KLHL41: variants seen among roughly 807,000 people sequenced by gnomAD.
KLHL41 encodes kelch-like protein 41.
KLHL41 carries 31 observed loss-of-function variants against 49.2 expected under a neutral mutation model. The ratio of observed to expected loss-of-function variants is 0.63; its 90% CI spans 0.47 to 0.85. The LOEUF (loss-of-function observed/expected upper bound fraction) is 0.85. Among genes scored for constraint, KLHL41 ranks in the 40% least tolerant of loss-of-function variants. The probability of loss-of-function intolerance (pLI) is 0.00; values close to 1 mark genes in which losing one functional copy is unlikely to be tolerated. For synonymous variants in KLHL41, 218 were observed against 258.5 expected (o/e 0.84, Z 1.50); for missense variants, 663 against 726.7 (o/e 0.91, Z 1.01).
In KLHL41 at chr2:169,518,259, A is replaced by G. The variant is rs1409597127; in HGVS notation, c.1446A>G (p.Lys482=). 6.2e-7 allele frequency: 1 copy of G among 1,614,056 alleles called. No individual in the cohort carries two copies. The highest frequency in any genetic ancestry group is 8.5e-7 in the Non-Finnish European group (1 of 1,179,946). The change falls in exon 4 of 6, where the codon AAA becomes AAG. Residue 482 remains lysine (K), a synonymous_variant. Coordinates refer to ENST00000284669, the MANE Select transcript of KLHL41 (RefSeq NM_006063.3). ...KGDWKDLAPM[K]IPRSMFGVAV... Reference sequence around the variant, plus strand: ...ATTGGAAAGATCTGGCTCCAATGAAAATTCCTCGTTCCATGTTTGGAGTAG... The same window carrying G: ...ATTGGAAAGATCTGGCTCCAATGAAGATTCCTCGTTCCATGTTTGGAGTAG...
At chr2:169,519,651 C>CTTTTT (rs11384512) in intron 4 of KLHL41, among the ~76,000 whole-genome samples, 3 of 138,480 alleles carry the variant, frequency 2.2e-5, no homozygotes, top group Non-Finnish European at 4.6e-5. Context: ...TTTTCTCAAA[C>CTTTTT]TTTTTTTTTT....
intron 1 of KLHL41, among the ~76,000 whole-genome samples, chr2:169,512,391 T>A (rs1293000850): frequency 6.6e-6 from 1 of 152,172 alleles, no homozygotes; most frequent in Non-Finnish European, 1.5e-5. Flanking sequence ...GGTAGATACC[T>A]ACAAATGACA....
chr2:169,513,117 G>A (rs1191323993), intron 1 of KLHL41, among the ~76,000 whole-genome samples: 2 of 152,148 alleles, frequency 1.3e-5, no homozygotes, highest in Non-Finnish European at 2.9e-5. Flanking sequence ...GGGAAGGTAG[G>A]CAGTACTGTA....
intron 5 of KLHL41, among the ~76,000 whole-genome samples, chr2:169,524,250 A>T (rs1350138583): frequency 6.6e-6 from 1 of 151,662 alleles, no homozygotes; most frequent in Non-Finnish European, 1.5e-5. Flanking sequence ...TAGTAGCAAA[A>T]TATTTTTTGT....
intron 1 of KLHL41, chr2:169,514,169 G>A (rs1684071518): frequency 6.2e-6 from 1 of 161,396 alleles, no homozygotes; most frequent in Admixed American, 6.3e-5. Flanking sequence ...TAGCACGCAG[G>A]GGTCATTCAC....
rs1353726681 is a variant in KLHL41 at position 169,525,618 on chromosome 2, G to A, written c.1743G>A (p.Met581Ile). 6.2e-7 allele frequency: 1 copy of A among 1,613,236 alleles called. No homozygotes were observed. The highest frequency in any genetic ancestry group is 1.1e-5 in the South Asian group (1 of 91,054). The change falls in exon 6 of 6, where the codon ATG becomes ATA. Residue 581 changes from methionine to isoleucine, a missense_variant. Met to Ile is a conservative substitution (Grantham distance 10). Around this residue, in one of 3 missense-constraint regions of KLHL41, gnomAD observed 528 missense variants for 581.0 expected, o/e 0.91. Transcript: ENST00000284669. ...YEDDKKEWAG[M>I]LKEIRYASGA... is the part of the protein sequence containing the mutation. ...ATGATAAAAAAGAATGGGCTGGGAT[G>A]TTGAAGGAAATACGTTATGCTTCAG...
intron 3 of KLHL41, among the ~76,000 whole-genome samples, chr2:169,517,285 T>C (rs989031404): frequency 2.0e-5 from 3 of 152,122 alleles, no homozygotes; most frequent in African/African-American, 7.2e-5. Context: ...CATCAAATTA[T>C]AGATAACTTC....
chr2:169,510,148 T>C lies in KLHL41; in HGVS notation c.370T>C (p.Ser124Pro). The change falls in exon 1 of 6, where the codon TCT (serine) becomes CCT (proline). Residue 124 changes from serine to proline, a missense_variant. Around this residue, in one of 3 missense-constraint regions of KLHL41, gnomAD observed 528 missense variants for 581.0 expected, o/e 0.91. Transcript: ENST00000284669. This position sits in a 1 kb window ranked among gnomAD's most constrained non-coding sequence, Gnocchi z 4.2. The stretch of plus-strand genomic sequence containing the variant: ...CCCCTCAGTGTTTACTGTCTGCGTT[T>C]CTTATCTTCAGAAAAGACTTGCTCC... ...QIPSVFTVCV[S>P]YLQKRLAPGN... is the part of the protein sequence containing the mutation. The C allele has an allele frequency of 6.2e-7, 1 of 1,614,184 alleles. No homozygotes were observed. Among genetic ancestry groups the C allele is most frequent in the Non-Finnish European group, 8.5e-7 (1 of 1,180,022 alleles).
chr2:169,519,068 T>C (rs1292662928), intron 4 of KLHL41, among the ~76,000 whole-genome samples: 12 of 152,144 alleles, frequency 7.9e-5, no homozygotes, highest in Non-Finnish European at 7.4e-5. Context: ...GATCTTCACT[T>C]AACTTGTTAA....
chr2:169,521,549 C>T (rs1399538358), intron 5 of KLHL41, among the ~76,000 whole-genome samples: 2 of 152,202 alleles, frequency 1.3e-5, no homozygotes, highest in Admixed American at 6.5e-5. Flanking sequence ...ATATCCACCA[C>T]GCCCAGCTAA....
Sources: gnomAD v4.1 joint callset for allele counts (sites outside exome capture counted in the v4.1 genomes callset) on GRCh38, gnomAD v4.1.1 for gene constraint, gnomAD v4.1.1 regional missense constraint, Gnocchi (gnomAD v3.1) non-coding constraint, MANE v1.5 for transcripts, NCBI Gene and HGNC (gene_info 2026-07-23, HGNC 2026-07-21) for gene names.